PHF24: variants seen among roughly 807,000 people sequenced by gnomAD.
PHF24 encodes the protein Galpha inhibitory interacting protein.
In PHF24, 25 loss-of-function variants were observed where a neutral mutation model predicts 42.6. That is an observed-to-expected ratio of 0.59 (90% CI 0.43 to 0.82). The LOEUF (loss-of-function observed/expected upper bound fraction) is 0.82, where lower values mean the gene tolerates loss of function less well. PHF24 is among the 40% of genes least tolerant of loss of function. The pLI, the probability that PHF24 is intolerant of heterozygous loss-of-function variation, is 0.00. For missense variants in PHF24, 470 were observed against 538.1 expected, an observed-to-expected ratio of 0.87 and a Z score of 1.25; for synonymous variants, 185 against 204.8, an observed-to-expected ratio of 0.90 and a Z score of 0.83.
the PHF24 span, chr9:34,724,218 G>T: frequency 1.5e-5 from 23 of 1,551,506 alleles, no homozygotes; most frequent in East Asian, 2.4e-5. Flanking sequence ...TGAACACAAG[G>T]CATGTGGGCC....
chr9:34,755,948 GT>G, the PHF24 span, among the ~76,000 whole-genome samples: 2 of 152,080 alleles, frequency 1.3e-5, no homozygotes, highest in African/African-American at 4.8e-5. Context: ...AATCTCATTT[GT>G]TTATTTTTGC....
the PHF24 span, among the ~76,000 whole-genome samples, chr9:34,826,185 C>T: frequency 3.6e-4 from 55 of 152,272 alleles, no homozygotes; most frequent in African/African-American, 1.1e-3. Context: ...TCACTGTCTC[C>T]GGGCATGAGA....
At chr9:34,677,454 T>C in the PHF24 span, among the ~76,000 whole-genome samples, 1 of 144,202 alleles carries the variant, frequency 6.9e-6, no homozygotes, top group Non-Finnish European at 1.5e-5. Flanking sequence ...TGGAGTGCAG[T>C]GGCACGATCT....
the PHF24 span, among the ~76,000 whole-genome samples, chr9:34,935,809 T>C: frequency 9.3e-5 from 14 of 150,914 alleles, no homozygotes; most frequent in Non-Finnish European, 2.1e-4. Context: ...AATGCGAAAA[T>C]TATCCAGTAC....
At chr9:34,870,103 A>G in the PHF24 span, among the ~76,000 whole-genome samples, 3 of 152,130 alleles carry the variant, frequency 2.0e-5, no homozygotes, top group African/African-American at 7.2e-5. Flanking sequence ...AATTAAGTGG[A>G]AAGTACAAAA....
At chr9:34,731,455 C>G in the PHF24 span, among the ~76,000 whole-genome samples, 1 of 152,202 alleles carries the variant, frequency 6.6e-6, no homozygotes, top group African/African-American at 2.4e-5. Flanking sequence ...ACCCCGCTAC[C>G]TTTCCCAGCC....
chr9:34,936,878 G>A, the PHF24 span, among the ~76,000 whole-genome samples: 46 of 147,688 alleles, frequency 3.1e-4, 1 homozygote, highest in South Asian at 3.1e-3. Context: ...CCCGGCAGCC[G>A]CCCCGTCTGA....
upstream of PHF24, among the ~76,000 whole-genome samples, chr9:34,958,042 C>G (rs894324190): frequency 2.0e-5 from 3 of 150,376 alleles, no homozygotes; most frequent in African/African-American, 7.3e-5. The surrounding 1 kb of genome is among the most constrained non-coding windows in gnomAD (Gnocchi z 4.5). Context: ...TCCCGCATTC[C>G]CACGGCGCCC....
At chr9:34,666,264 T>C in the PHF24 span, among the ~76,000 whole-genome samples, 1 of 152,054 alleles carries the variant, frequency 6.6e-6, no homozygotes, top group Admixed American at 6.5e-5. Flanking sequence ...GGGCCGAGGC[T>C]TCCGCAGCAG....
At chr9:34,669,362 C>T in the PHF24 span, among the ~76,000 whole-genome samples, 2 of 151,992 alleles carry the variant, frequency 1.3e-5, no homozygotes, top group Admixed American at 6.6e-5. Flanking sequence ...ACCGTTTAAC[C>T]CCTGCCCCAT....
chr9:34,923,464 T>C, the PHF24 span, among the ~76,000 whole-genome samples: 2 of 152,200 alleles, frequency 1.3e-5, no homozygotes, highest in African/African-American at 4.8e-5. Flanking sequence ...CCAGGGCTTT[T>C]CTTTGCTGGG....
the PHF24 span, among the ~76,000 whole-genome samples, chr9:34,666,271 G>A: frequency 6.6e-6 from 1 of 152,092 alleles, no homozygotes; most frequent in Non-Finnish European, 1.5e-5. Flanking sequence ...GGCTTCCGCA[G>A]CAGGCAGCAA....
At chr9:34,918,198 C>T in the PHF24 span, 3 of 1,460,742 alleles carry the variant, frequency 2.1e-6, no homozygotes, top group Non-Finnish European at 2.9e-6. Flanking sequence ...AGACCATCAC[C>T]CCTCTGCCAA....
chr9:34,672,964 C>T, the PHF24 span, among the ~76,000 whole-genome samples: 1 of 152,118 alleles, frequency 6.6e-6, no homozygotes, highest in Non-Finnish European at 1.5e-5. Flanking sequence ...AGGTGTGCAC[C>T]ACCATGCCCA....
chr9:34,835,717 T>G, the PHF24 span: 1 of 1,551,174 alleles, frequency 6.4e-7, no homozygotes, highest in Non-Finnish European at 8.7e-7. Flanking sequence ...CCAGTAATCT[T>G]GTATGCCATC....
chr9:34,947,040 C>T, the PHF24 span, among the ~76,000 whole-genome samples: 1 of 152,192 alleles, frequency 6.6e-6, no homozygotes, highest in South Asian at 2.1e-4. Flanking sequence ...AGAGAACTTT[C>T]CCCACTCTGC....
chr9:34,695,482 A>G, the PHF24 span, among the ~76,000 whole-genome samples: 4 of 152,376 alleles, frequency 2.6e-5, no homozygotes, highest in East Asian at 1.9e-4. Flanking sequence ...GCTGTAGCAA[A>G]TTAATTGAAC....
chr9:34,698,796 A>G, the PHF24 span, among the ~76,000 whole-genome samples: 2 of 152,138 alleles, frequency 1.3e-5, no homozygotes, highest in Non-Finnish European at 2.9e-5. Flanking sequence ...GATAGTTTTG[A>G]ATGAGCTCCA....
At chr9:34,726,629 A>C in the PHF24 span, 18 of 1,551,142 alleles carry the variant, frequency 1.2e-5, no homozygotes, top group Non-Finnish European at 1.4e-5. Context: ...TTCCTGCCCT[A>C]GCTGGAGGTG....
Sources: allele counts gnomAD v4.1 joint callset (sites outside exome capture counted in the v4.1 genomes callset), GRCh38; gene constraint gnomAD v4.1.1; non-coding constraint Gnocchi (gnomAD v3.1); transcripts MANE v1.5; gene names NCBI Gene and HGNC (gene_info 2026-07-23, HGNC 2026-07-21).